The following ZMYND8 variants were observed in gnomAD, a reference collection of about 807,000 sequenced individuals.
ZMYND8 encodes zinc finger MYND-type containing 8, also known as MYND-type zinc finger-containing chromatin reader ZMYND8.
In ZMYND8, 37 loss-of-function variants were observed where a neutral mutation model predicts 140.8. That is an observed-to-expected ratio of 0.26 (90% CI 0.20 to 0.35). ZMYND8 has a LOEUF of 0.35. Ranked by LOEUF, ZMYND8 falls within the 10% of genes least tolerant of loss-of-function variation. The pLI, the probability that ZMYND8 is intolerant of heterozygous loss-of-function variation, is 1.00. For synonymous variants in ZMYND8, 592 were observed against 597.1 expected, an observed-to-expected ratio of 0.99 and a Z score of 0.12; for missense variants, 1,068 against 1,570.0, an observed-to-expected ratio of 0.68 and a Z score of 5.40.
intron 10 of ZMYND8, among the ~76,000 whole-genome samples, chr20:47,280,810 C>T (rs2076561953): frequency 6.6e-6 from 1 of 152,132 alleles, no homozygotes; most frequent in Admixed American, 6.6e-5. Context: ...CTGACTCCAG[C>T]TGTGAGCATC....
intron 15 of ZMYND8, 31 bp downstream of exon 15, chr20:47,238,727 G>A: frequency 1.9e-6 from 3 of 1,588,326 alleles, no homozygotes; most frequent in Non-Finnish European, 1.7e-6. Flanking sequence ...GGGAGCGGGC[G>A]CCACGGAGAA....
At position 47,227,297 on chromosome 20, in the gene ZMYND8, T is replaced by G. The variant is rs773741427; in HGVS notation, c.2938-16A>C. 5.0e-6 allele frequency: 8 copies of G among 1,613,650 alleles called. No individual in the cohort carries two copies. Among genetic ancestry groups the G allele is most frequent in the Non-Finnish European group, 6.8e-6 (8 of 1,179,792 alleles). The stretch of plus-strand genomic sequence containing the variant: ...GCCTGCGAATCTGGAAGAGGGAGAG[T>G]GAGCGTCTTCAAAAGCTGTCTCATG... On this transcript the variant is annotated splice_polypyrimidine_tract_variant and intron_variant, in intron 17 of 22. Transcript: ENST00000471951.
intron 16 of ZMYND8, among the ~76,000 whole-genome samples, chr20:47,232,914 T>G (rs992444486): frequency 8.1e-5 from 12 of 148,618 alleles, no homozygotes; most frequent in East Asian, 1.9e-4. Context: ...TTGTTTTTTT[T>G]TTTTTTTGAG....
chr20:47,223,274 G>C (rs1480508701), intron 19 of ZMYND8, among the ~76,000 whole-genome samples: 1 of 152,216 alleles, frequency 6.6e-6, no homozygotes, highest in African/African-American at 2.4e-5. Context: ...GGGAGGCTGA[G>C]GCCGGCAGAT....
chr20:47,345,748 A>G lies in ZMYND8; in HGVS notation c.85+2108T>C, dbSNP rs183928775. Among the ~76,000 whole-genome samples, 205 of 149,564 alleles carry G rather than the reference A, an allele frequency of 1.4e-3. 2 individuals are homozygous for G. Among genetic ancestry groups the G allele is most frequent in the African/African-American group, 4.7e-3 (193 of 40,666 alleles). ...GGTCTCGAACTCCTGAGCTCAGACA[A>G]TCCACCCGCCTCGCCCTCCCAAAGT... is the stretch of plus-strand genomic sequence containing the variant. On this transcript the variant is annotated intron_variant, in intron 2 of 22. Transcript: ENST00000471951.
At chr20:47,236,250 T>G in intron 16 of ZMYND8, 76 bp downstream of exon 16, 1 of 1,580,048 alleles carries the variant, frequency 6.3e-7, no homozygotes, top group South Asian at 1.1e-5. Flanking sequence ...ACGCTCACGC[T>G]TCCCCTCGGG....
chr20:47,332,184 G>A (rs1444621012), intron 2 of ZMYND8, among the ~76,000 whole-genome samples: 2 of 152,140 alleles, frequency 1.3e-5, no homozygotes, highest in Non-Finnish European at 2.9e-5. Context: ...GGTGACGTGC[G>A]CCTATAATCC....
intron 19 of ZMYND8, among the ~76,000 whole-genome samples, chr20:47,223,336 T>C (rs2037251079): frequency 6.6e-6 from 1 of 151,678 alleles, no homozygotes; most frequent in Non-Finnish European, 1.5e-5. Flanking sequence ...TGAAACCCTG[T>C]CTCTACTAAT....
chr20:47,313,492 GGC>G (rs908717071), intron 2 of ZMYND8, among the ~76,000 whole-genome samples: 4 of 151,828 alleles, frequency 2.6e-5, no homozygotes, highest in African/African-American at 9.7e-5. Context: ...CGTGGTGGCG[GGC>G]GCCTGTAGTC....
chr20:47,324,027 T>G (rs936982904), intron 2 of ZMYND8, among the ~76,000 whole-genome samples: 1 of 149,910 alleles, frequency 6.7e-6, no homozygotes, highest in Non-Finnish European at 1.5e-5. Flanking sequence ...GGTGAAAACC[T>G]GTCTCCACTA....
chr20:47,307,768 A>C (rs1330853853), intron 3 of ZMYND8, among the ~76,000 whole-genome samples: 2 of 152,070 alleles, frequency 1.3e-5, no homozygotes, highest in African/African-American at 2.4e-5. Context: ...CAAAGGTTGC[A>C]GAGAGCCAAG....
chr20:47,249,630 G>A (rs2298195), intron 12 of ZMYND8, among the ~76,000 whole-genome samples, 191 bp from the exon 13 acceptor site: 91,671 of 152,024 alleles, frequency 0.6, 27,954 homozygotes, highest in African/African-American at 0.7. Context: ...TGGCCCACGT[G>A]AACACGTTTG....
intron 2 of ZMYND8, chr20:47,320,412 G>A (rs2079836325): frequency 6.6e-6 from 1 of 152,406 alleles, no homozygotes; most frequent in African/African-American, 2.4e-5. Context: ...AATTACCCTG[G>A]CCAGCCACCA....
chr20:47,309,855 C>T (rs988054777), intron 3 of ZMYND8, among the ~76,000 whole-genome samples: 7 of 152,062 alleles, frequency 4.6e-5, no homozygotes, highest in Non-Finnish European at 1.0e-4. Context: ...GCTCTGTCCC[C>T]GAAACAGATC....
chr20:47,334,626 A>T (rs192861447), intron 2 of ZMYND8, among the ~76,000 whole-genome samples: 2,510 of 149,056 alleles, frequency 0.017, 56 homozygotes, highest in African/African-American at 0.056. Context: ...ATATATATAT[A>T]TTTTAGGCAG....
At chr20:47,332,865 G>A (rs143273394) in intron 2 of ZMYND8, among the ~76,000 whole-genome samples, 151 of 152,210 alleles carry the variant, frequency 9.9e-4, no homozygotes, top group Non-Finnish European at 1.9e-3. Context: ...AACACTCACC[G>A]CAGCATTATC....
At chr20:47,211,594 G>T (rs1237354023) in intron 22 of ZMYND8, among the ~76,000 whole-genome samples, 1 of 152,190 alleles carries the variant, frequency 6.6e-6, no homozygotes, top group East Asian at 1.9e-4. Flanking sequence ...GCCGAATGAG[G>T]TGTCTGTGAA....
intron 2 of ZMYND8, among the ~76,000 whole-genome samples, chr20:47,344,137 C>T (rs2082147237): frequency 6.6e-6 from 1 of 151,638 alleles, no homozygotes; most frequent in Admixed American, 6.6e-5. Flanking sequence ...GCCACCACAC[C>T]CAGCTAATTT....
At chr20:47,311,191 C>G (rs935491877) in intron 2 of ZMYND8, among the ~76,000 whole-genome samples, 2 of 152,240 alleles carry the variant, frequency 1.3e-5, no homozygotes, top group African/African-American at 4.8e-5. Flanking sequence ...CCCACCGCCT[C>G]TGGGCCTCGT....
Sources: allele counts gnomAD v4.1 joint callset (sites outside exome capture counted in the v4.1 genomes callset), GRCh38; gene constraint gnomAD v4.1.1; transcripts MANE v1.5; gene names NCBI Gene and HGNC (gene_info 2026-07-23, HGNC 2026-07-21).